The following SV2C variants were observed in gnomAD, a reference collection of about 807,000 sequenced individuals.
SV2C encodes the protein solute carrier family 22 member B3.
In SV2C, 49 loss-of-function variants were observed where a neutral mutation model predicts 79.7. That is an observed-to-expected ratio of 0.61 (90% CI 0.49 to 0.78). The LOEUF (loss-of-function observed/expected upper bound fraction) is 0.78. SV2C is among the 30% of genes least tolerant of loss of function. The pLI is 0.00. For synonymous variants in SV2C, 334 were observed against 333.2 expected, an observed-to-expected ratio of 1.00 and a Z score of -0.03; for missense variants, 833 against 912.9, an observed-to-expected ratio of 0.91 and a Z score of 1.13.
At chr5:75,889,948 T>C in the SV2C span, among the ~76,000 whole-genome samples, 1 of 152,104 alleles carries the variant, frequency 6.6e-6, no homozygotes, top group African/African-American at 2.4e-5. Context: ...GTCTTAAGCA[T>C]CACTAATCCA....
chr5:75,887,262 A>G, the SV2C span, among the ~76,000 whole-genome samples: 1 of 151,990 alleles, frequency 6.6e-6, no homozygotes, highest in Non-Finnish European at 1.5e-5. Context: ...CATACGATAC[A>G]TTGTTGTTAG....
intron 4 of SV2C, among the ~76,000 whole-genome samples, chr5:76,237,576 A>T (rs370575174): frequency 2.0e-5 from 3 of 152,158 alleles, no homozygotes; most frequent in South Asian, 4.2e-4. Context: ...GGTGAAGTAT[A>T]ATCTTTGGCA....
the SV2C span, among the ~76,000 whole-genome samples, chr5:75,956,312 T>C: frequency 9.1e-5 from 13 of 142,872 alleles, no homozygotes; most frequent in East Asian, 4.1e-4. Context: ...AACCAAACAC[T>C]GCATATTCTC....
At chr5:76,343,785 G>A (rs560045188) in intron 12 of SV2C, among the ~76,000 whole-genome samples, 49 of 152,318 alleles carry the variant, frequency 3.2e-4, no homozygotes, top group African/African-American at 1.2e-3. Flanking sequence ...GAAAAATGCT[G>A]CCTTTCATGT....
intron 2 of SV2C, chr5:76,173,611 T>C: frequency 6.2e-7 from 1 of 1,604,158 alleles, no homozygotes; most frequent in African/African-American, 1.3e-5. Flanking sequence ...GGCTCAGAGC[T>C]ACAATGCATT....
At chr5:75,927,570 T>G in the SV2C span, among the ~76,000 whole-genome samples, 609 of 152,320 alleles carry the variant, frequency 4.0e-3, 3 homozygotes, top group African/African-American at 0.014. Flanking sequence ...ACTAGATATC[T>G]GCTGTACAAC....
chr5:76,286,388 A>C (rs907290918), intron 6 of SV2C, among the ~76,000 whole-genome samples: 1 of 152,112 alleles, frequency 6.6e-6, no homozygotes, highest in Non-Finnish European at 1.5e-5. Context: ...GCCCCCACAA[A>C]GGTGTATACT....
chr5:75,876,650 G>T, the SV2C span, among the ~76,000 whole-genome samples: 2 of 152,040 alleles, frequency 1.3e-5, no homozygotes, highest in Admixed American at 1.3e-4. Context: ...AAATTGATAG[G>T]TGTAATATGC....
Position 76,223,796 on chromosome 5 carries a change from C to G in SV2C, c.913+13909C>G, listed in dbSNP as rs150149377. Among the ~76,000 whole-genome samples the G allele has an allele frequency of 8.3e-3, 1,269 of 152,166 alleles. 12 individuals are homozygous for G. Among genetic ancestry groups the G allele is most frequent in the Non-Finnish European group, 0.01 (706 of 68,004 alleles). ...GGCTGCCATAACAAGATACCACAGA[C>G]TGGGTGGCTTAAACAGCAGAAATTT... On this transcript the variant is annotated intron_variant, in intron 4 of 12. Coordinates refer to ENST00000502798, the MANE Select transcript of SV2C (RefSeq NM_014979.4).
the SV2C span, among the ~76,000 whole-genome samples, chr5:75,990,548 T>C: frequency 6.6e-6 from 1 of 152,008 alleles, no homozygotes; most frequent in Non-Finnish European, 1.5e-5. Flanking sequence ...TTTTTCTCTC[T>C]TACAGGTTTC....
chr5:75,906,777 C>T, the SV2C span, among the ~76,000 whole-genome samples: 3 of 152,148 alleles, frequency 2.0e-5, no homozygotes, highest in African/African-American at 7.2e-5. Flanking sequence ...TTTGTCCTCA[C>T]TGGCACATCT....
At chr5:76,306,648 T>G (rs1748203774) in intron 12 of SV2C, among the ~76,000 whole-genome samples, 1 of 152,106 alleles carries the variant, frequency 6.6e-6, no homozygotes, top group South Asian at 2.1e-4. Context: ...TAAAACAAAA[T>G]GTGAATTCCA....
upstream of SV2C, chr5:76,082,023 G>A (rs1186325534): frequency 6.6e-6 from 1 of 152,320 alleles, no homozygotes; most frequent in African/African-American, 2.4e-5. Flanking sequence ...TTACACGGAT[G>A]GAACACATTC....
intron 2 of SV2C, among the ~76,000 whole-genome samples, chr5:76,185,434 T>G (rs756627789): frequency 1.3e-5 from 2 of 152,220 alleles, no homozygotes; most frequent in Non-Finnish European, 2.9e-5. Context: ...TAGCAGAGAT[T>G]CTCCATGAGG....
intron 4 of SV2C, among the ~76,000 whole-genome samples, chr5:76,275,891 A>C (rs915135790): frequency 1.3e-5 from 2 of 152,248 alleles, no homozygotes; most frequent in African/African-American, 4.8e-5. Context: ...TGAGTATCTT[A>C]ACAAAGTCCA....
intron 4 of SV2C, among the ~76,000 whole-genome samples, chr5:76,256,194 T>C (rs1746260431): frequency 6.6e-6 from 1 of 152,190 alleles, no homozygotes; most frequent in South Asian, 2.1e-4. Flanking sequence ...CCTTCCAGTC[T>C]GTATCTGTCC....
chr5:76,159,490 A>G (rs915413604), intron 2 of SV2C, among the ~76,000 whole-genome samples: 5 of 152,134 alleles, frequency 3.3e-5, no homozygotes, highest in Non-Finnish European at 7.4e-5. Flanking sequence ...TTAAAACAAC[A>G]GAAATTTATT....
intron 2 of SV2C, among the ~76,000 whole-genome samples, chr5:76,139,260 A>G (rs947872699): frequency 1.3e-5 from 2 of 152,162 alleles, no homozygotes; most frequent in Non-Finnish European, 2.9e-5. Flanking sequence ...GATTTAGCCT[A>G]TCTATCTAGG....
chr5:76,049,429 A>C, the SV2C span, among the ~76,000 whole-genome samples: 1 of 152,208 alleles, frequency 6.6e-6, no homozygotes, highest in Non-Finnish European at 1.5e-5. Context: ...TACAGATTTC[A>C]TTGTTAGGTA....
Sources: allele counts gnomAD v4.1 joint callset (sites outside exome capture counted in the v4.1 genomes callset), GRCh38; gene constraint gnomAD v4.1.1; transcripts MANE v1.5; gene names NCBI Gene and HGNC (gene_info 2026-07-23, HGNC 2026-07-21).